Variants in LRBA observed in about 807,000 individuals in gnomAD.
LRBA encodes lipopolysaccharide-responsive and beige-like anchor protein.
LRBA carries 176 observed loss-of-function variants against 330.0 expected under a neutral mutation model. The observed-to-expected ratio is 0.53, with a 90% CI of 0.47 to 0.60. LRBA has a LOEUF of 0.60. LRBA is among the 20% of genes least tolerant of loss of function. LRBA has a pLI of 0.00. For missense variants in LRBA, 3,259 were observed against 3,444.8 expected (o/e 0.95, Z 1.35); for synonymous variants, 1,230 against 1,193.0 (o/e 1.03, Z -0.64).
Position 150,844,666 on chromosome 4 carries a change from C to A in LRBA, c.4453G>T (p.Ala1485Ser), listed in dbSNP as rs754195089. ...TTAATCTGTATACTTACCTTCGCTG[C>A]AGATTTCCCTAAAGGAATAAGGCTA... ...MHSLIPLGKS[A>S]AKSPVDIVTG... The change falls in exon 27 of 57, where the codon GCA (alanine) becomes TCA (serine). Residue 1485 changes from alanine to serine, a missense_variant. Ala to Ser is a moderately conservative substitution (Grantham distance 99). Transcript: ENST00000651943. The A allele has an allele frequency of 6.2e-7, 1 of 1,611,814 alleles. No homozygotes were observed. Among genetic ancestry groups the A allele is most frequent in the Non-Finnish European group, 8.5e-7 (1 of 1,179,022 alleles).
intron 2 of LRBA, among the ~76,000 whole-genome samples, chr4:150,935,644 G>A (rs1490948204): frequency 1.3e-5 from 2 of 151,544 alleles, no homozygotes; most frequent in African/African-American, 2.4e-5. Flanking sequence ...TTAAATATAT[G>A]AAAAAAGTGA....
At chr4:150,871,315 T>G (rs556660899) in intron 19 of LRBA, 30 bp downstream of exon 19, 1 of 1,181,916 alleles carries the variant, frequency 8.5e-7, no homozygotes, top group African/African-American at 1.5e-5. Context: ...ATAAGAAATT[T>G]AGAGGAGTAA....
chr4:150,284,689 C>G (rs1175116101), intron 54 of LRBA, among the ~76,000 whole-genome samples: 6 of 152,116 alleles, frequency 3.9e-5, no homozygotes, highest in Admixed American at 3.9e-4. Flanking sequence ...CCATGCCCAG[C>G]TAATTCTTAA....
At chr4:150,747,495 T>C (rs1259494614) in intron 35 of LRBA, among the ~76,000 whole-genome samples, 1 of 152,190 alleles carries the variant, frequency 6.6e-6, no homozygotes, top group East Asian at 1.9e-4. Flanking sequence ...AAACTTTGAC[T>C]ATCCACTTCT....
intron 49 of LRBA, among the ~76,000 whole-genome samples, chr4:150,322,995 C>CTGTGTGTGTGTGTGTGTGTGTGTG (rs577818605): frequency 4.2e-5 from 1 of 23,882 alleles, no homozygotes; most frequent in Non-Finnish European, 1.1e-4. Flanking sequence ...GTGTGTGTCT[C>CTGTGTGTGTGTGTGTGTGTGTGTG]TGTGTGTGTG....
intron 37 of LRBA, among the ~76,000 whole-genome samples, chr4:150,635,826 G>A (rs1777840499): frequency 6.6e-6 from 1 of 152,164 alleles, no homozygotes; most frequent in Non-Finnish European, 1.5e-5. Flanking sequence ...TGACACAGCT[G>A]AGAATCATGT....
chr4:150,677,795 C>A (rs1782684029), intron 37 of LRBA, among the ~76,000 whole-genome samples: 1 of 145,150 alleles, frequency 6.9e-6, no homozygotes, highest in Non-Finnish European at 1.5e-5. Flanking sequence ...ACGACAAGAT[C>A]CCATGTCTTA....
At chr4:150,478,387 C>A (rs1756945662) in intron 42 of LRBA, among the ~76,000 whole-genome samples, 1 of 152,172 alleles carries the variant, frequency 6.6e-6, no homozygotes, top group African/African-American at 2.4e-5. Flanking sequence ...TACTGTTCGT[C>A]CATTATTCCT....
chr4:150,941,863 G>A (rs1735710304), intron 2 of LRBA, among the ~76,000 whole-genome samples: 1 of 151,206 alleles, frequency 6.6e-6, no homozygotes, highest in South Asian at 2.1e-4. Context: ...CTCCAGCCTG[G>A]GCAAGACTCT....
chr4:150,733,165 A>G, intron 36 of LRBA, among the ~76,000 whole-genome samples: 1 of 152,060 alleles, frequency 6.6e-6, no homozygotes, highest in East Asian at 1.9e-4. Context: ...AGAAAAATGA[A>G]CATTTTTGTG....
chr4:150,270,748 G>T (rs1745970199), intron 56 of LRBA, among the ~76,000 whole-genome samples: 1 of 152,120 alleles, frequency 6.6e-6, no homozygotes, highest in Admixed American at 6.5e-5. Flanking sequence ...GCCAGATAAA[G>T]ATGATCCCCC....
chr4:150,320,449 AC>A (rs1732338893), intron 50 of LRBA, among the ~76,000 whole-genome samples: 1 of 152,000 alleles, frequency 6.6e-6, no homozygotes, highest in Non-Finnish European at 1.5e-5. Context: ...CTCAACAAAT[AC>A]TACCAATACT....
chr4:150,489,131 A>ATATAATATATAATATATAAGAC lies in LRBA; in HGVS notation c.6449-1298_6449-1297insGTCTTATATATTATATATTATA, dbSNP rs1554038986. 4.2e-3 allele frequency among the ~76,000 whole-genome samples: 420 copies of ATATAATATATAATATATAAGAC among 99,388 alleles called. 4 individuals carry two copies. The highest frequency in any genetic ancestry group is 6.5e-3 in the Non-Finnish European group (348 of 53,580). The allele number at this position is 99,388 out of a possible 152,430, so 65.2% of individuals were successfully genotyped here. On this transcript the variant is annotated intron_variant, in intron 41 of 56. Transcript: ENST00000651943. ...TATATATCATATATAATATATAAGAATATATAATATATAATATATCAGAAT... is the reference window on the plus strand; with the variant it reads ...TATATATCATATATAATATATAAGAATATAATATATAATATATAAGACTATATAATATATAATATATCAGAAT...
At chr4:150,777,384 GAA>G (rs10715024) in intron 34 of LRBA, among the ~76,000 whole-genome samples, 1 of 149,068 alleles carries the variant, frequency 6.7e-6, no homozygotes, top group African/African-American at 2.4e-5. Flanking sequence ...AAAGAATAAA[GAA>G]AAAAAAAATT....
intron 38 of LRBA, among the ~76,000 whole-genome samples, chr4:150,597,680 GCAT>G (rs1278849277): frequency 1.3e-5 from 2 of 151,248 alleles, no homozygotes; most frequent in African/African-American, 4.9e-5. Context: ...CTCCATGTAA[GCAT>G]CATTAACCAA....
At chr4:150,912,237 A>T (rs947093217) in intron 9 of LRBA, among the ~76,000 whole-genome samples, 1 of 152,122 alleles carries the variant, frequency 6.6e-6, no homozygotes, top group African/African-American at 2.4e-5. Context: ...GCAAGAAGTG[A>T]GCGGTGGGCA....
intron 36 of LRBA, among the ~76,000 whole-genome samples, chr4:150,690,613 T>C (rs778808534): frequency 6.6e-6 from 1 of 151,250 alleles, no homozygotes; most frequent in Non-Finnish European, 1.5e-5. Context: ...CACTGGTTAT[T>C]AGATGAAGAA....
At chr4:150,840,393 A>G (rs973828591) in intron 28 of LRBA, 1 of 152,206 alleles carries the variant, frequency 6.6e-6, no homozygotes, top group Non-Finnish European at 1.5e-5. Flanking sequence ...TTAAAGTGAG[A>G]GACATGCAAC....
intron 17 of LRBA, among the ~76,000 whole-genome samples, chr4:150,879,526 G>A (rs1490079202): frequency 6.6e-6 from 1 of 152,034 alleles, no homozygotes; most frequent in African/African-American, 2.4e-5. Context: ...GAGCAATCAG[G>A]CAAGAAAAGG....
Sources: allele counts gnomAD v4.1 joint callset (sites outside exome capture counted in the v4.1 genomes callset), GRCh38; gene constraint gnomAD v4.1.1; transcripts MANE v1.5; gene names NCBI Gene and HGNC (gene_info 2026-07-23, HGNC 2026-07-21).